The following PDZRN4 variants were observed in gnomAD, a reference collection of about 807,000 sequenced individuals.
PDZRN4 encodes the protein PDZ domain containing ring finger 4.
PDZRN4 carries 70 observed loss-of-function variants against 99.0 expected under a neutral mutation model. The observed-to-expected ratio is 0.71, with a 90% CI of 0.58 to 0.86. PDZRN4 has a LOEUF of 0.86. PDZRN4 is among the 40% of genes least tolerant of loss of function. The pLI is 0.00. For synonymous variants in PDZRN4, 551 were observed against 501.6 expected (o/e 1.10, Z -1.32); for missense variants, 1,474 against 1,331.2 (o/e 1.11, Z -1.67).
intron 3 of PDZRN4, among the ~76,000 whole-genome samples, chr12:41,378,520 A>ATTTTTTTTTTTTTTTTTTTTTT (rs71081733): frequency 6.8e-5 from 7 of 102,842 alleles, no homozygotes; most frequent in African/African-American, 2.2e-4. Flanking sequence ...TCTGTCTTCA[A>ATTTTTTTTTTTTTTTTTTTTTT]TTTTTTTTTT....
At chr12:41,530,569 C>T (rs549164377) in intron 5 of PDZRN4, among the ~76,000 whole-genome samples, 1 of 152,152 alleles carries the variant, frequency 6.6e-6, no homozygotes, top group Non-Finnish European at 1.5e-5. Context: ...TTACAATGTG[C>T]TGTGAACATT....
At chr12:41,331,970 G>T (rs761807733) in intron 3 of PDZRN4, among the ~76,000 whole-genome samples, 3 of 152,078 alleles carry the variant, frequency 2.0e-5, no homozygotes, top group Non-Finnish European at 4.4e-5. Flanking sequence ...GGTAGGAAAT[G>T]AACAAAAATA....
chr12:41,428,475 T>G (rs1952556863), intron 3 of PDZRN4, among the ~76,000 whole-genome samples: 1 of 152,184 alleles, frequency 6.6e-6, no homozygotes, highest in Non-Finnish European at 1.5e-5. Flanking sequence ...GGAATGAACA[T>G]GTATTGCAGT....
At chr12:41,337,596 A>C (rs1951784961) in intron 3 of PDZRN4, among the ~76,000 whole-genome samples, 1 of 152,174 alleles carries the variant, frequency 6.6e-6, no homozygotes, top group South Asian at 2.1e-4. Context: ...AGAGAAGCCC[A>C]GTGGAATTTC....
At position 41,327,159 on chromosome 12, in the gene PDZRN4, A is replaced by G. The variant is rs145838254; in HGVS notation, c.843+132971A>G. 1.1e-3 allele frequency among the ~76,000 whole-genome samples: 161 copies of G among 152,258 alleles called. 3 individuals carry two copies. In the East Asian group the frequency reaches 0.012, roughly 11 times the overall value. On this transcript the variant is annotated intron_variant, in intron 3 of 9. Coordinates refer to ENST00000402685, the MANE Select transcript of PDZRN4 (RefSeq NM_001164595.2). ...CTCCATTTTGCTAACTTGGGGTGGTAAGTGCAGCCTTGAGCTTACATTGTT... is the reference window on the plus strand; with the variant it reads ...CTCCATTTTGCTAACTTGGGGTGGTGAGTGCAGCCTTGAGCTTACATTGTT...
At chr12:41,199,015 A>G (rs1950797265) in intron 3 of PDZRN4, among the ~76,000 whole-genome samples, 3 of 152,184 alleles carry the variant, frequency 2.0e-5, no homozygotes, top group Admixed American at 2.0e-4. Context: ...CTGCATAGTC[A>G]GAATGCAGCT....
chr12:41,247,290 T>C lies in PDZRN4; in HGVS notation c.843+53102T>C, dbSNP rs374035750. 1.4e-4 allele frequency among the ~76,000 whole-genome samples: 21 copies of C among 152,290 alleles called. 1 individual carries two copies. Among genetic ancestry groups the C allele is most frequent in the African/African-American group, 5.1e-4 (21 of 41,568 alleles). On this transcript the variant is annotated intron_variant, in intron 3 of 9. Coordinates refer to ENST00000402685, the MANE Select transcript of PDZRN4 (RefSeq NM_001164595.2). Reference sequence around the variant, plus strand: ...ACTACATTATCTCCTAATTAAGGTATGCAGACTGGCAGAACTAGCATTACC... The same window carrying C: ...ACTACATTATCTCCTAATTAAGGTACGCAGACTGGCAGAACTAGCATTACC...
rs1188147892 is a variant in PDZRN4 at position 41,555,113 on chromosome 12, C to T, written c.1303-585C>T. On this transcript the variant is annotated intron_variant, in intron 6 of 9. Coordinates refer to ENST00000402685, the MANE Select transcript of PDZRN4 (RefSeq NM_001164595.2). ...AGGCGTGGTGGCAGGCATCTGTAGT[C>T]ACAGCTACTCGGGAGTCTGAGGCAG... Among the ~76,000 whole-genome samples the T allele has an allele frequency of 2.7e-5, 4 of 146,524 alleles. No homozygotes were observed. In the South Asian group the frequency reaches 6.6e-4, roughly 24 times the overall value.
intron 3 of PDZRN4, among the ~76,000 whole-genome samples, chr12:41,276,017 G>A (rs1197051467): frequency 3.3e-5 from 5 of 152,132 alleles, no homozygotes; most frequent in Non-Finnish European, 5.9e-5. Flanking sequence ...TTCTATCTTG[G>A]TAGATGTGGT....
Position 41,572,838 on chromosome 12 carries a change from C to T in PDZRN4, c.2059C>T (p.His687Tyr), listed in dbSNP as rs199682694. ...TGAGTGTCAGAATATCATGCAGGCTCACAGGCTCCAGAAAGTGACAGACCA... is the reference window on the plus strand; with the variant it reads ...TGAGTGTCAGAATATCATGCAGGCTTACAGGCTCCAGAAAGTGACAGACCA... ...ELECQNIMQA[H>Y]RLQKVTDQYG... Residue 687 changes from histidine (H) to tyrosine (Y), a missense_variant, in exon 10 of 10, where the codon CAC (histidine) becomes TAC (tyrosine). Transcript: ENST00000402685. The T allele has an allele frequency of 4.8e-5, 78 of 1,614,012 alleles. No homozygotes were observed. The highest frequency in any genetic ancestry group is 6.3e-5 in the Non-Finnish European group (74 of 1,180,026).
chr12:41,373,726 G>T (rs2121085784), intron 3 of PDZRN4, among the ~76,000 whole-genome samples: 1 of 152,254 alleles, frequency 6.6e-6, no homozygotes, highest in Middle Eastern at 3.4e-3. Context: ...CTCAGCTTAT[G>T]AAGATGACGG....
chr12:41,271,051 T>C (rs1951311433), intron 3 of PDZRN4, among the ~76,000 whole-genome samples: 1 of 152,144 alleles, frequency 6.6e-6, no homozygotes, highest in South Asian at 2.1e-4. Flanking sequence ...ACTTGACTTA[T>C]ATAATTTGCT....
chr12:41,435,488 TA>T (rs1389737592), intron 3 of PDZRN4, among the ~76,000 whole-genome samples: 1 of 152,130 alleles, frequency 6.6e-6, no homozygotes, highest in South Asian at 2.1e-4. Flanking sequence ...ATCTGACTTT[TA>T]AAAAAATACA....
intron 7 of PDZRN4, among the ~76,000 whole-genome samples, chr12:41,562,445 A>G (rs1003515066): frequency 6.6e-6 from 1 of 152,126 alleles, no homozygotes; most frequent in African/African-American, 2.4e-5. Flanking sequence ...TTGAAAAAAG[A>G]ATGGTCAGTG....
chr12:41,489,998 G>A (rs1287129787), intron 3 of PDZRN4, among the ~76,000 whole-genome samples: 3 of 150,920 alleles, frequency 2.0e-5, no homozygotes, highest in African/African-American at 7.4e-5. Context: ...TTAATTAACT[G>A]ATCTGGGCAT....
chr12:41,500,816 A>G (rs1316420194), intron 3 of PDZRN4, among the ~76,000 whole-genome samples: 1 of 152,200 alleles, frequency 6.6e-6, no homozygotes, highest in Non-Finnish European at 1.5e-5. Context: ...TGATGAATAT[A>G]GGGTTCAGAT....
chr12:41,459,718 G>T (rs1051981749), intron 3 of PDZRN4, among the ~76,000 whole-genome samples: 1 of 152,122 alleles, frequency 6.6e-6, no homozygotes, highest in Non-Finnish European at 1.5e-5. Flanking sequence ...ATGCTTATTA[G>T]ACACTATAAA....
intron 3 of PDZRN4, among the ~76,000 whole-genome samples, chr12:41,259,849 A>G (rs996870424): frequency 1.3e-5 from 2 of 152,128 alleles, no homozygotes; most frequent in Admixed American, 6.5e-5. Context: ...TACTAGGATT[A>G]TAAATTCTAT....
chr12:41,291,572 T>C (rs1330561060), intron 3 of PDZRN4, among the ~76,000 whole-genome samples: 1 of 152,198 alleles, frequency 6.6e-6, no homozygotes, highest in Non-Finnish European at 1.5e-5. Context: ...TTATTCATCC[T>C]AAGCCTCCCA....
Sources: gnomAD v4.1 joint callset for allele counts (sites outside exome capture counted in the v4.1 genomes callset) on GRCh38, gnomAD v4.1.1 for gene constraint, MANE v1.5 for transcripts, NCBI Gene and HGNC (gene_info 2026-07-23, HGNC 2026-07-21) for gene names.